Variants in FNBP1 observed in about 807,000 individuals in gnomAD.
FNBP1 encodes formin-binding protein 1.
Under a neutral mutation model 90.6 loss-of-function variants are expected in FNBP1, and 26 were observed. The observed-to-expected ratio is 0.29, with a 90% confidence interval of 0.21 to 0.40. The LOEUF (loss-of-function observed/expected upper bound fraction) is 0.40. Among genes scored for constraint, FNBP1 ranks in the 10% least tolerant of loss-of-function variants. The probability of loss-of-function intolerance (pLI) is 1.00; values close to 1 mark genes in which losing one functional copy is unlikely to be tolerated. For missense variants in FNBP1, 635 were observed against 768.0 expected, an observed-to-expected ratio of 0.83 and a Z score of 2.05; for synonymous variants, 260 against 265.2, an observed-to-expected ratio of 0.98 and a Z score of 0.19.
intron 4 of FNBP1, among the ~76,000 whole-genome samples, chr9:129,973,405 A>G (rs1293870476): frequency 6.6e-6 from 1 of 152,238 alleles, no homozygotes; most frequent in Non-Finnish European, 1.5e-5. Context: ...AAGTCAAGTC[A>G]GGGTAGCCAA....
intron 15 of FNBP1, among the ~76,000 whole-genome samples, chr9:129,897,660 A>T (rs920702229): frequency 6.6e-6 from 1 of 151,998 alleles, no homozygotes. Flanking sequence ...CAGTGGTACG[A>T]TCATAGCTCA....
At chr9:129,962,058 T>C (rs1451729650) in intron 4 of FNBP1, among the ~76,000 whole-genome samples, 1 of 152,122 alleles carries the variant, frequency 6.6e-6, no homozygotes, top group Non-Finnish European at 1.5e-5. Context: ...ATGTTCTGAG[T>C]GATCAGAGGG....
intron 4 of FNBP1, 105 bp from the exon 5 acceptor site, chr9:129,958,658 T>C (rs2047311052): frequency 2.1e-5 from 18 of 869,152 alleles, no homozygotes; most frequent in Non-Finnish European, 3.3e-5. Context: ...ATTGAACCTC[T>C]AGTATGTATG....
chr9:130,051,219 T>C, the FNBP1 span, among the ~76,000 whole-genome samples: 1 of 151,884 alleles, frequency 6.6e-6, no homozygotes, highest in Non-Finnish European at 1.5e-5. Flanking sequence ...GTATTTTTTG[T>C]AGAGAAGGTG....
intron 10 of FNBP1, among the ~76,000 whole-genome samples, chr9:129,921,455 G>T (rs781593752): frequency 6.6e-6 from 1 of 151,280 alleles, no homozygotes; most frequent in Non-Finnish European, 1.5e-5. Flanking sequence ...GTGCAATAGC[G>T]TGATCTTGGC....
intron 1 of FNBP1, among the ~76,000 whole-genome samples, chr9:130,006,269 C>T (rs1363879154): frequency 6.6e-6 from 1 of 152,028 alleles, no homozygotes; most frequent in Non-Finnish European, 1.5e-5. Context: ...ATGGTGAAAC[C>T]CCGTCTCTAC....
At chr9:129,982,803 C>A (rs943831139) in intron 2 of FNBP1, among the ~76,000 whole-genome samples, 1 of 152,128 alleles carries the variant, frequency 6.6e-6, no homozygotes, top group Non-Finnish European at 1.5e-5. Context: ...GCTAGGACTA[C>A]AGGTGCACAC....
intron 13 of FNBP1, among the ~76,000 whole-genome samples, chr9:129,901,694 C>T (rs938914210): frequency 2.0e-5 from 3 of 151,850 alleles, no homozygotes; most frequent in Admixed American, 6.6e-5. Context: ...GGTGGAGCAT[C>T]TGAGGTCAGG....
chr9:129,912,078 T>C (rs1193853248), intron 11 of FNBP1, among the ~76,000 whole-genome samples: 2 of 152,118 alleles, frequency 1.3e-5, no homozygotes, highest in Non-Finnish European at 2.9e-5. Context: ...CCTGGAAGCC[T>C]GGACTTGCGA....
rs568777565 is a variant in FNBP1, at chr9:129,955,612, T to G, written c.513+1748A>C. ...GGTGGGCTCCTGTAGTCCCAGCTAC[T>G]CAGGAGGCTGAGGCAGGAGGATCAC... On this transcript the variant is annotated intron_variant, in intron 6 of 16. Coordinates refer to ENST00000446176, the MANE Select transcript of FNBP1 (RefSeq NM_015033.3). 5.1e-4 allele frequency among the ~76,000 whole-genome samples: 77 copies of G among 151,788 alleles called. 1 individual carries two copies. The highest frequency in any genetic ancestry group is 1.8e-3 in the African/African-American group (75 of 41,394).
At chr9:129,938,615 A>G (rs2043862925) in intron 6 of FNBP1, among the ~76,000 whole-genome samples, 1 of 151,464 alleles carries the variant, frequency 6.6e-6, no homozygotes, top group African/African-American at 2.4e-5. Flanking sequence ...CTGAAATAGA[A>G]GGAGAGAATG....
At chr9:129,939,388 C>G (rs2043987418) in intron 6 of FNBP1, among the ~76,000 whole-genome samples, 2 of 148,126 alleles carry the variant, frequency 1.4e-5, no homozygotes, top group South Asian at 4.4e-4. Context: ...AGCCTCCGTC[C>G]CGAAAAATAA....
intron 6 of FNBP1, among the ~76,000 whole-genome samples, chr9:129,944,275 G>A (rs2044834912): frequency 6.6e-6 from 1 of 151,914 alleles, no homozygotes; most frequent in African/African-American, 2.4e-5. Context: ...GGGTGCGGTA[G>A]CTCATGCCTG....
chr9:129,899,329 C>A (rs916337469), intron 15 of FNBP1, among the ~76,000 whole-genome samples: 3 of 152,074 alleles, frequency 2.0e-5, no homozygotes. Flanking sequence ...CTGCCCGCCT[C>A]AGCCTCCCAA....
intron 7 of FNBP1, 74 bp from the exon 8 acceptor site, chr9:129,927,415 T>C: frequency 1.4e-6 from 2 of 1,452,630 alleles, no homozygotes; most frequent in South Asian, 1.2e-5. Context: ...GGCAGCATTG[T>C]TACCTCTAAC....
Position 129,978,516 on chromosome 9 carries a change from G to A in FNBP1, c.294C>T (p.Ile98=), listed in dbSNP as rs754101044. ...GAACATAGCGTGCCAAGTCCACAAT[G>A]ATCTGTGATGCCATGTTCTCGGAGA... ...EVISENMASQ[I]IVDLARYVQE... Residue 98 remains isoleucine, a synonymous_variant, in exon 4 of 17, where the codon ATC becomes ATT. Transcript: ENST00000446176. The A allele has an allele frequency of 2.5e-6, 4 of 1,613,558 alleles. No individual in the cohort carries two copies. The highest frequency in any genetic ancestry group is 2.5e-6 in the Non-Finnish European group (3 of 1,179,634).
At chr9:129,975,845 G>T (rs1175030021) in intron 4 of FNBP1, among the ~76,000 whole-genome samples, 1 of 139,086 alleles carries the variant, frequency 7.2e-6, no homozygotes, top group Non-Finnish European at 1.5e-5. Context: ...GGAGGTTGTG[G>T]TTAGGCGAGA....
intron 10 of FNBP1, among the ~76,000 whole-genome samples, chr9:129,918,585 G>T (rs1387260797): frequency 3.3e-5 from 5 of 152,268 alleles, no homozygotes; most frequent in East Asian, 3.9e-4. Flanking sequence ...AATATATATA[G>T]AGAGAAGCAA....
chr9:130,030,733 C>T (rs1161729010), intron 1 of FNBP1, among the ~76,000 whole-genome samples: 2 of 152,186 alleles, frequency 1.3e-5, no homozygotes, highest in Non-Finnish European at 2.9e-5. Flanking sequence ...CATGAATATT[C>T]AGTCTGCTTA....
Sources: allele counts gnomAD v4.1 joint callset (sites outside exome capture counted in the v4.1 genomes callset), GRCh38; gene constraint gnomAD v4.1.1; transcripts MANE v1.5; gene names NCBI Gene and HGNC (gene_info 2026-07-23, HGNC 2026-07-21).